SPECC1: variants seen among roughly 807,000 people sequenced by gnomAD.
The protein encoded by SPECC1 is sperm antigen with calponin homology and coiled-coil domains 1, also known as cytospin-B.
Under a neutral mutation model 104.1 loss-of-function variants are expected in SPECC1, and 62 were observed. The observed-to-expected ratio is 0.60, with a 90% CI of 0.49 to 0.74. SPECC1 has a LOEUF of 0.74. SPECC1 is among the 30% of genes least tolerant of loss of function. The probability of loss-of-function intolerance (pLI) is 0.00; values close to 1 mark genes in which losing one functional copy is unlikely to be tolerated. For missense variants in SPECC1, 1,306 were observed against 1,310.5 expected (o/e 1.00, Z 0.05); for synonymous variants, 513 against 501.6 (o/e 1.02, Z -0.30).
At chr17:20,300,642 A>G (rs768438736) in intron 13 of SPECC1, among the ~76,000 whole-genome samples, 9 of 152,226 alleles carry the variant, frequency 5.9e-5, no homozygotes, top group African/African-American at 1.9e-4. Context: ...CCTGGGCCAG[A>G]GCCCCTGTGT....
chr17:20,241,672 C>T (rs1416544758), intron 7 of SPECC1, among the ~76,000 whole-genome samples: 1 of 150,232 alleles, frequency 6.7e-6, no homozygotes, highest in African/African-American at 2.5e-5. Context: ...TGCTGGTGTT[C>T]AAATTACTTT....
At chr17:20,257,340 A>G (rs770540192) in intron 10 of SPECC1, 111 bp from the exon 11 acceptor site, 7 of 1,248,660 alleles carry the variant, frequency 5.6e-6, no homozygotes, top group Admixed American at 2.7e-5. Context: ...AACTATATAT[A>G]TGTTTGCACT....
rs60216339 is a variant in SPECC1 at position 20,239,878 on chromosome 17, GTTTTTTTTTTTTTT to G, written c.2352-6029_2352-6016del. Among the ~76,000 whole-genome samples the G allele has an allele frequency of 5.1e-4, 19 of 36,950 alleles. No individual in the cohort carries two copies. The Admixed American group carries it at 6.6e-3, about 13-fold the overall frequency. The allele number at this position is 36,950 out of a possible 152,430, so 24.2% of individuals were successfully genotyped here. On this transcript the variant is annotated intron_variant, in intron 7 of 14. Transcript: ENST00000395527. ...AGCACTTTAATTTGCATTTCGCTGAGTTTTTTTTTTTTTTTTTTTTTTTTTTTTTTTTAAAGACA... is the reference window on the plus strand; with the variant it reads ...AGCACTTTAATTTGCATTTCGCTGAGTTTTTTTTTTTTTTTTTTAAAGACA...
At chr17:20,297,277 T>C (rs1039605878) in intron 13 of SPECC1, among the ~76,000 whole-genome samples, 200 bp downstream of exon 13, 8 of 152,182 alleles carry the variant, frequency 5.3e-5, no homozygotes, top group African/African-American at 1.9e-4. Flanking sequence ...TTCTCAGGAA[T>C]CTCAGCTTCA....
At chr17:20,156,278 A>C (rs576583123) in intron 3 of SPECC1, 21 of 1,314,598 alleles carry the variant, frequency 1.6e-5, no homozygotes, top group Middle Eastern at 2.8e-4. Context: ...CCGCAACCCC[A>C]CCCCCCCTCC....
intron 3 of SPECC1, among the ~76,000 whole-genome samples, chr17:20,167,036 G>A (rs1000751687): frequency 6.6e-6 from 1 of 151,652 alleles, no homozygotes; most frequent in African/African-American, 2.4e-5. Flanking sequence ...CTAAGAGTAT[G>A]TTCTTTGTTA....
intron 1 of SPECC1, among the ~76,000 whole-genome samples, chr17:20,034,331 G>A (rs748629692): frequency 1.3e-5 from 2 of 151,796 alleles, no homozygotes; most frequent in Admixed American, 1.3e-4. Context: ...ACTCCTGACC[G>A]TGTGATCCAC....
intron 3 of SPECC1, among the ~76,000 whole-genome samples, chr17:20,157,734 AAT>A (rs1288064341): frequency 3.3e-5 from 5 of 152,302 alleles, no homozygotes; most frequent in Non-Finnish European, 4.4e-5. Context: ...ACATAAAAAG[AAT>A]ATGTTTATGC....
chr17:20,239,724 C>T (rs2039105599), intron 7 of SPECC1, among the ~76,000 whole-genome samples: 3 of 151,936 alleles, frequency 2.0e-5, no homozygotes, highest in African/African-American at 7.2e-5. Flanking sequence ...TAATAGATGT[C>T]TCCAATTACT....
At chr17:20,183,304 G>A (rs944555973) in intron 3 of SPECC1, among the ~76,000 whole-genome samples, 6 of 152,126 alleles carry the variant, frequency 3.9e-5, no homozygotes, top group African/African-American at 7.2e-5. Flanking sequence ...AAAGCAATCC[G>A]GCAATAATTT....
At chr17:20,025,113 CA>C (rs2044549923) in intron 1 of SPECC1, among the ~76,000 whole-genome samples, 1 of 152,110 alleles carries the variant, frequency 6.6e-6, no homozygotes, top group Admixed American at 6.5e-5. Flanking sequence ...GGCCATGACC[CA>C]GAATGAGCCA....
rs1198480376 is a variant in SPECC1 at position 20,038,915 on chromosome 17, T to C, written c.-22+29491T>C. On this transcript the variant is annotated intron_variant, in intron 1 of 14. Coordinates refer to ENST00000395527, the MANE Select transcript of SPECC1 (RefSeq NM_001243439.2). ...CACACTCTGTATGACTTCTATTCTT[T>C]GAAATGTGTTAAGTTTTTAAAAAGC... Among the ~76,000 whole-genome samples, 4 of 152,232 alleles carry C rather than the reference T, an allele frequency of 2.6e-5. No individual in the cohort carries two copies. In the East Asian group the frequency reaches 7.7e-4, roughly 29 times the overall value.
chr17:20,082,108 T>TTG (rs2046997586), intron 1 of SPECC1, among the ~76,000 whole-genome samples: 1 of 152,166 alleles, frequency 6.6e-6, no homozygotes, highest in Non-Finnish European at 1.5e-5. Context: ...TTGCACAACT[T>TTG]CCACCGTGCT....
intron 1 of SPECC1, among the ~76,000 whole-genome samples, chr17:20,035,417 A>G (rs535153351): frequency 3.6e-4 from 55 of 152,176 alleles, no homozygotes; most frequent in Non-Finnish European, 6.8e-4. Context: ...ACCTATAAGC[A>G]TGGTATATTT....
chr17:20,056,448 C>G (rs1268227317), intron 1 of SPECC1: 1 of 196,210 alleles, frequency 5.1e-6, no homozygotes, highest in Non-Finnish European at 1.1e-5. Context: ...TTGCTGGAAG[C>G]CGAATGAATT....
intron 1 of SPECC1, among the ~76,000 whole-genome samples, chr17:20,021,702 A>ATAT (rs1402960712): frequency 7.2e-6 from 1 of 139,280 alleles, no homozygotes; most frequent in African/African-American, 2.7e-5. Flanking sequence ...ATATATATAT[A>ATAT]TTTTTTTGTA....
intron 3 of SPECC1, among the ~76,000 whole-genome samples, chr17:20,158,166 G>C (rs1179538139): frequency 6.6e-6 from 1 of 152,012 alleles, no homozygotes; most frequent in African/African-American, 2.4e-5. Context: ...GGCAGTTGTG[G>C]TACATTGGAC....
chr17:20,064,806 A>C (rs2046306776), intron 1 of SPECC1, among the ~76,000 whole-genome samples: 1 of 152,158 alleles, frequency 6.6e-6, no homozygotes, highest in South Asian at 2.1e-4. Flanking sequence ...AGCTCATGAG[A>C]AGGCCAACTT....
chr17:20,126,796 G>A (rs2049334021), intron 3 of SPECC1, among the ~76,000 whole-genome samples: 1 of 152,238 alleles, frequency 6.6e-6, no homozygotes, highest in South Asian at 2.1e-4. Context: ...GATGCAGAAA[G>A]TTGGCTTGGG....
Sources: allele counts gnomAD v4.1 joint callset (sites outside exome capture counted in the v4.1 genomes callset), GRCh38; gene constraint gnomAD v4.1.1; transcripts MANE v1.5; gene names NCBI Gene and HGNC (gene_info 2026-07-23, HGNC 2026-07-21).